Variants in CADPS2 observed in about 807,000 individuals in gnomAD.
The protein encoded by CADPS2 is calcium-dependent secretion activator 2.
In CADPS2, 93 loss-of-function variants were observed where a neutral mutation model predicts 172.5. The ratio of observed to expected loss-of-function variants is 0.54; its 90% CI spans 0.46 to 0.64. The LOEUF is 0.64. Ranked by LOEUF, CADPS2 falls within the 30% of genes least tolerant of loss-of-function variation. The pLI is 0.00. For missense variants in CADPS2, 1,420 were observed against 1,565.9 expected (o/e 0.91, Z 1.57); for synonymous variants, 546 against 555.2 (o/e 0.98, Z 0.23).
chr7:122,546,701 C>T (rs1281026187), intron 8 of CADPS2, among the ~76,000 whole-genome samples: 1 of 152,134 alleles, frequency 6.6e-6, no homozygotes, highest in African/African-American at 2.4e-5. Context: ...TTCATCCCGA[C>T]TTTGGCCCAC....
At chr7:122,489,640 A>C (rs2058115397) in intron 11 of CADPS2, among the ~76,000 whole-genome samples, 1 of 152,158 alleles carries the variant, frequency 6.6e-6, no homozygotes, top group Non-Finnish European at 1.5e-5. Flanking sequence ...ACAACAAAAA[A>C]ATAGACCTAT....
At chr7:122,860,051 G>A (rs971858390) in intron 1 of CADPS2, among the ~76,000 whole-genome samples, 1 of 152,040 alleles carries the variant, frequency 6.6e-6, no homozygotes, top group South Asian at 2.1e-4. Flanking sequence ...AACGTTCTGG[G>A]ATTTATAAGT....
intron 2 of CADPS2, among the ~76,000 whole-genome samples, chr7:122,712,159 TC>T (rs565183226): frequency 3.8e-3 from 581 of 152,206 alleles, no homozygotes; most frequent in Non-Finnish European, 6.5e-3. Context: ...TGTTACTTTT[TC>T]CCCCTCTTAC....
intron 2 of CADPS2, among the ~76,000 whole-genome samples, chr7:122,734,963 C>T (rs761117763): frequency 3.2e-4 from 49 of 152,162 alleles, no homozygotes; most frequent in Non-Finnish European, 2.4e-4. Context: ...TCAATGCTTA[C>T]ATCTCTTTCT....
intron 3 of CADPS2, 35 bp downstream of exon 3, chr7:122,663,202 A>C: frequency 7.0e-7 from 1 of 1,432,502 alleles, no homozygotes; most frequent in Non-Finnish European, 9.7e-7. Flanking sequence ...TCCACGAGTC[A>C]GACAGGGGAA....
rs551038586 is a variant in CADPS2, at chr7:122,582,224, A to G, written c.1224-934T>C. The stretch of plus-strand genomic sequence containing the variant: ...TCTTGAAAAAACAAAACAATTCACC[A>G]TTTTCACGGAGCTGTCTACATTTTA... On this transcript the variant is annotated intron_variant, in intron 6 of 29. Transcript: ENST00000449022. 3.5e-3 allele frequency among the ~76,000 whole-genome samples: 537 copies of G among 152,192 alleles called. 6 individuals carry two copies. The highest frequency in any genetic ancestry group is 0.012 in the African/African-American group (515 of 41,552).
At chr7:122,754,555 C>T (rs970744642) in intron 1 of CADPS2, among the ~76,000 whole-genome samples, 2 of 152,152 alleles carry the variant, frequency 1.3e-5, no homozygotes, top group African/African-American at 2.4e-5. Flanking sequence ...CGGCTCACTG[C>T]AACGTCCGCC....
intron 27 of CADPS2, among the ~76,000 whole-genome samples, chr7:122,351,552 A>G (rs1178651968): frequency 6.6e-6 from 1 of 151,832 alleles, no homozygotes; most frequent in Non-Finnish European, 1.5e-5. Context: ...AAATAATGAC[A>G]CTCACATCCT....
chr7:122,398,738 T>TTCTCTC lies in CADPS2; in HGVS notation c.2747-5162_2747-5157dup, dbSNP rs375630670. ...AGCATTATGTAAAAGGAAAACACTC[T>TTCTCTC]TCTCTCTCTCTCTCTCTCTCTCTCT... On this transcript the variant is annotated intron_variant, in intron 20 of 29. Transcript: ENST00000449022. Among the ~76,000 whole-genome samples, 488 of 131,442 alleles carry TTCTCTC rather than the reference T, an allele frequency of 3.7e-3. 3 individuals are homozygous for TTCTCTC. The highest frequency in any genetic ancestry group is 7.2e-3 in the East Asian group (30 of 4,152). 86.2% of individuals were successfully genotyped at this position (131,442 alleles called of 152,430 possible).
chr7:122,741,837 A>G (rs2092492616), intron 1 of CADPS2, among the ~76,000 whole-genome samples: 1 of 152,184 alleles, frequency 6.6e-6, no homozygotes, highest in African/African-American at 2.4e-5. Context: ...ATCTAAGACA[A>G]AACAGACTGT....
intron 1 of CADPS2, among the ~76,000 whole-genome samples, chr7:122,835,407 G>A (rs1033580191): frequency 5.9e-5 from 9 of 152,308 alleles, no homozygotes; most frequent in Non-Finnish European, 8.8e-5. Context: ...GCAGCTCCTC[G>A]CCAGCAATGG....
At chr7:122,711,998 C>A (rs976960391) in intron 2 of CADPS2, among the ~76,000 whole-genome samples, 2 of 152,002 alleles carry the variant, frequency 1.3e-5, no homozygotes, top group South Asian at 4.1e-4. Context: ...TAAAACAGTA[C>A]ATACAGCATA....
chr7:122,701,302 A>C (rs2086035741), intron 2 of CADPS2, among the ~76,000 whole-genome samples: 1 of 152,202 alleles, frequency 6.6e-6, no homozygotes, highest in South Asian at 2.1e-4. Context: ...GACATGGATG[A>C]AGCTGGAAAC....
intron 1 of CADPS2, among the ~76,000 whole-genome samples, chr7:122,800,975 G>C (rs1454793216): frequency 2.1e-5 from 3 of 141,000 alleles, no homozygotes; most frequent in Admixed American, 1.4e-4. Flanking sequence ...CTGTGCGACA[G>C]AGCGAGACTC....
chr7:122,724,739 T>G (rs2090898599), intron 2 of CADPS2, among the ~76,000 whole-genome samples: 2 of 129,394 alleles, frequency 1.5e-5, no homozygotes, highest in Non-Finnish European at 3.4e-5. Flanking sequence ...TTTTTTCACC[T>G]TTTTTTTTCC....
chr7:122,333,398 T>C (rs2035324250), intron 28 of CADPS2, among the ~76,000 whole-genome samples: 1 of 152,146 alleles, frequency 6.6e-6, no homozygotes. Flanking sequence ...TTTAAGAGTG[T>C]CCTAAGGACG....
chr7:122,713,546 C>G (rs2089109968), intron 2 of CADPS2, among the ~76,000 whole-genome samples: 1 of 151,818 alleles, frequency 6.6e-6, no homozygotes, highest in Admixed American at 6.6e-5. Context: ...ACCCAATTTA[C>G]TAAAGATGAT....
intron 24 of CADPS2, among the ~76,000 whole-genome samples, chr7:122,380,935 A>G (rs945911431): frequency 6.6e-6 from 1 of 152,072 alleles, no homozygotes; most frequent in African/African-American, 2.4e-5. Flanking sequence ...AACGGGAGAG[A>G]AAAGGGGAGA....
At chr7:122,432,643 T>TAAAAAAAAAAA (rs57311950) in intron 17 of CADPS2, among the ~76,000 whole-genome samples, 4 of 108,520 alleles carry the variant, frequency 3.7e-5, no homozygotes, top group African/African-American at 1.4e-4. Context: ...TCTGTTAAAA[T>TAAAAAAAAAAA]AAAAAAAAAA....
Sources: gnomAD v4.1 joint callset for allele counts (sites outside exome capture counted in the v4.1 genomes callset) on GRCh38, gnomAD v4.1.1 for gene constraint, MANE v1.5 for transcripts, NCBI Gene and HGNC (gene_info 2026-07-23, HGNC 2026-07-21) for gene names.